INPP4B: variants seen among roughly 807,000 people sequenced by gnomAD.
INPP4B encodes the protein inositol polyphosphate 4-phosphatase type II.
In INPP4B, 55 loss-of-function variants were observed where a neutral mutation model predicts 122.5. That is an observed-to-expected ratio of 0.45 (90% CI 0.36 to 0.56). The LOEUF is 0.56. Among genes scored for constraint, INPP4B ranks in the 20% least tolerant of loss-of-function variants. The pLI is 0.00. For synonymous variants in INPP4B, 403 were observed against 388.7 expected (o/e 1.04, Z -0.43); for missense variants, 1,000 against 1,097.7 (o/e 0.91, Z 1.26).
chr4:142,214,679 T>C (rs754725646), intron 12 of INPP4B, among the ~76,000 whole-genome samples: 2 of 152,086 alleles, frequency 1.3e-5, no homozygotes, highest in Admixed American at 6.6e-5. Context: ...CAGCCTACCA[T>C]GTAGCTGGGA....
At chr4:142,802,855 G>A (rs553790040) in intron 1 of INPP4B, among the ~76,000 whole-genome samples, 60 of 151,718 alleles carry the variant, frequency 4.0e-4, no homozygotes, top group Non-Finnish European at 6.3e-4. Context: ...AGTTGAACGC[G>A]GTATCTGGTA....
chr4:142,832,763 C>T (rs1056312823), intron 1 of INPP4B, among the ~76,000 whole-genome samples: 3 of 151,872 alleles, frequency 2.0e-5, no homozygotes, highest in South Asian at 2.1e-4. Flanking sequence ...TCTACTCCCC[C>T]CCCGCATTGT....
At chr4:142,078,004 A>T (rs1226230675) in intron 25 of INPP4B, among the ~76,000 whole-genome samples, 1 of 151,774 alleles carries the variant, frequency 6.6e-6, no homozygotes, top group East Asian at 1.9e-4. Flanking sequence ...GAGGGTTAAG[A>T]ATCACTGTTT....
At chr4:142,812,224 C>T (rs748742776) in intron 1 of INPP4B, among the ~76,000 whole-genome samples, 3 of 152,158 alleles carry the variant, frequency 2.0e-5, no homozygotes, top group Non-Finnish European at 4.4e-5. Flanking sequence ...CAGCATGCAC[C>T]TGCCCACACA....
intron 25 of INPP4B, among the ~76,000 whole-genome samples, chr4:142,051,008 C>G (rs1344617034): frequency 6.6e-6 from 1 of 151,912 alleles, no homozygotes; most frequent in Non-Finnish European, 1.5e-5. Context: ...CTTATTTATT[C>G]CCTAGGAATT....
chr4:142,311,912 G>A (rs1162329242), intron 8 of INPP4B, among the ~76,000 whole-genome samples: 2 of 152,224 alleles, frequency 1.3e-5, no homozygotes, highest in Non-Finnish European at 2.9e-5. Context: ...GGACCAGGAA[G>A]ATGGATAGAG....
At chr4:142,302,634 T>C (rs566851995) in intron 9 of INPP4B, among the ~76,000 whole-genome samples, 1 of 152,282 alleles carries the variant, frequency 6.6e-6, no homozygotes, top group East Asian at 1.9e-4. Flanking sequence ...ACAAAGCACA[T>C]GGTTGGTTAT....
intron 11 of INPP4B, among the ~76,000 whole-genome samples, chr4:142,256,433 A>T (rs538171575): frequency 6.6e-6 from 1 of 152,322 alleles, no homozygotes; most frequent in African/African-American, 2.4e-5. Context: ...TTTGGAAAGG[A>T]TCAACAAAAC....
chr4:142,810,183 A>AC (rs1236873273), intron 1 of INPP4B, among the ~76,000 whole-genome samples: 2 of 151,888 alleles, frequency 1.3e-5, no homozygotes, highest in Non-Finnish European at 2.9e-5. Context: ...AAAAAAAAAA[A>AC]AAATCAAATT....
chr4:142,634,719 T>C (rs1748715305), intron 2 of INPP4B, among the ~76,000 whole-genome samples: 1 of 152,138 alleles, frequency 6.6e-6, no homozygotes, highest in African/African-American at 2.4e-5. Flanking sequence ...CTTTCAATAG[T>C]GAAATATTGA....
intron 3 of INPP4B, among the ~76,000 whole-genome samples, chr4:142,439,889 C>T (rs532165454): frequency 6.6e-6 from 1 of 152,184 alleles, no homozygotes; most frequent in South Asian, 2.1e-4. Context: ...TTAAGTGCCA[C>T]CTCATCCATG....
At chr4:142,403,127 T>A in intron 6 of INPP4B, 73 bp from the exon 7 acceptor site, 3 of 803,694 alleles carry the variant, frequency 3.7e-6, no homozygotes, top group South Asian at 1.4e-5. Context: ...AAGTGACACA[T>A]GAGAATGCAG....
intron 1 of INPP4B, among the ~76,000 whole-genome samples, chr4:142,785,807 G>T (rs1315677105): frequency 1.3e-5 from 2 of 152,150 alleles, no homozygotes; most frequent in South Asian, 2.1e-4. Flanking sequence ...CAAAACCGTG[G>T]ATTCAGGAAG....
chr4:142,560,786 A>T (rs1316324831), intron 2 of INPP4B: 1 of 152,222 alleles, frequency 6.6e-6, no homozygotes, highest in Non-Finnish European at 1.5e-5. Flanking sequence ...CCCAGATTGA[A>T]CGTGTGTCTG....
chr4:142,589,195 A>C (rs1438260210), intron 2 of INPP4B, among the ~76,000 whole-genome samples: 2 of 152,060 alleles, frequency 1.3e-5, no homozygotes, highest in African/African-American at 4.8e-5. Flanking sequence ...ACATAGACCT[A>C]AATGTAGAAT....
chr4:142,380,678 T>C (rs1793789720), intron 7 of INPP4B, among the ~76,000 whole-genome samples: 1 of 152,120 alleles, frequency 6.6e-6, no homozygotes, highest in Non-Finnish European at 1.5e-5. Flanking sequence ...TCTTTATTTT[T>C]CCCTCACCTC....
intron 2 of INPP4B, among the ~76,000 whole-genome samples, chr4:142,562,111 A>G (rs894982288): frequency 5.3e-5 from 8 of 152,182 alleles, no homozygotes; most frequent in African/African-American, 1.7e-4. Context: ...AACATAGAGG[A>G]AAGCTGAGGT....
chr4:142,179,195 G>A (rs1041257219), intron 15 of INPP4B, among the ~76,000 whole-genome samples: 1 of 152,058 alleles, frequency 6.6e-6, no homozygotes, highest in Admixed American at 6.6e-5. Context: ...GTTTTGGGCT[G>A]GGCGCAGTGG....
intron 2 of INPP4B, among the ~76,000 whole-genome samples, chr4:142,720,807 C>A (rs551687437): frequency 0.84 from 11,441 of 13,676 alleles, 4,857 homozygotes; most frequent in African/African-American, 0.9. Context: ...CTCTCTCTCT[C>A]TCTATATATA....
Sources: gnomAD v4.1 joint callset for allele counts (sites outside exome capture counted in the v4.1 genomes callset) on GRCh38, gnomAD v4.1.1 for gene constraint, MANE v1.5 for transcripts, NCBI Gene and HGNC (gene_info 2026-07-23, HGNC 2026-07-21) for gene names.